The following COA8 variants were observed in gnomAD, a reference collection of about 807,000 sequenced individuals.
The protein encoded by COA8 is UPF0671 protein C14orf153.
A neutral mutation model predicts 22.0 loss-of-function variants in COA8; 20 were observed. The observed-to-expected ratio is 0.91, with a 90% CI of 0.64 to 1.32. The LOEUF is 1.32. Among genes scored for constraint, COA8 ranks in the 40% most tolerant of loss-of-function variants. The probability of loss-of-function intolerance (pLI) is 0.00; values close to 1 mark genes in which losing one functional copy is unlikely to be tolerated. For synonymous variants in COA8, 105 were observed against 79.9 expected, an observed-to-expected ratio of 1.31 and a Z score of -1.68; for missense variants, 266 against 230.0, an observed-to-expected ratio of 1.16 and a Z score of -1.01.
rs1419226386 is a variant in COA8 at position 103,581,062 on chromosome 14, A to G, written c.386-6212A>G. On this transcript the variant is annotated intron_variant, in intron 3 of 4. Transcript: ENST00000409074. The surrounding 1 kb of genome is among the most constrained non-coding windows in gnomAD (Gnocchi z 4.1). The stretch of plus-strand genomic sequence containing the variant: ...TGATCCGCCCGTCTTGGCCTCCCAA[A>G]GTCCTGGGATTACAGGCGTGAGCCA... 6.6e-6 allele frequency among the ~76,000 whole-genome samples: 1 copy of G among 152,094 alleles called. No homozygotes were observed. The highest frequency in any genetic ancestry group is 2.4e-5 in the African/African-American group (1 of 41,418).
intron 3 of COA8, among the ~76,000 whole-genome samples, chr14:103,579,962 C>A (rs376689509): frequency 3.7e-3 from 440 of 117,458 alleles, no homozygotes; most frequent in Middle Eastern, 8.7e-3. Context: ...GACTCTGTCT[C>A]AAAAAAAAAA....
chr14:103,588,296 C>G lies in COA8; in HGVS notation c.476+932C>G, dbSNP rs116368153. The G allele has an allele frequency of 5.3e-3, 2,090 of 396,992 alleles. 44 individuals carry two copies. The highest frequency in any genetic ancestry group is 0.039 in the African/African-American group (1,878 of 48,478). 24.6% of individuals were successfully genotyped at this position (396,992 alleles called of 1,614,324 possible). On this transcript the variant is annotated intron_variant, in intron 4 of 4. Transcript: ENST00000409074. ...TTGGGAGGCCAAGGTGGGTAGATCA[C>G]TTGAGTCCAGGAGTTCAAGACCAGT...
intron 3 of COA8, among the ~76,000 whole-genome samples, chr14:103,578,719 T>C (rs1247238603): frequency 6.6e-6 from 1 of 152,176 alleles, no homozygotes; most frequent in Non-Finnish European, 1.5e-5. Context: ...TTCTGCTGCT[T>C]GTTGAGCCTT....
intron 1 of COA8, among the ~76,000 whole-genome samples, chr14:103,565,515 T>C (rs1283665254): frequency 1.3e-5 from 2 of 152,156 alleles, no homozygotes; most frequent in Admixed American, 6.5e-5. Flanking sequence ...TTTTTTTTCT[T>C]TAATCCGGAA....
At position 103,582,226 on chromosome 14, in the gene COA8, C is replaced by T. The variant is rs566290696; in HGVS notation, c.386-5048C>T. On this transcript the variant is annotated intron_variant, in intron 3 of 4. Coordinates refer to ENST00000409074, the MANE Select transcript of COA8 (RefSeq NM_001370595.2). ...TAAGTCAGAGTGCGCCTCCTGCACC[C>T]GCCACCCTGGATGTGGTTCCATTCC... Among the ~76,000 whole-genome samples, 34 of 152,256 alleles carry T rather than the reference C, an allele frequency of 2.2e-4. No homozygotes were observed. The South Asian group carries it at 6.4e-3, about 29-fold the overall frequency.
chr14:103,563,476 GTGTGTT>G, intron 1 of COA8: 1 of 417,602 alleles, frequency 2.4e-6, no homozygotes, highest in Non-Finnish European at 4.5e-6. Flanking sequence ...TTGTGTGTGT[GTGTGTT>G]TTGGCTTTGT....
At chr14:103,565,619 T>C (rs2076130194) in intron 1 of COA8, among the ~76,000 whole-genome samples, 1 of 141,952 alleles carries the variant, frequency 7.0e-6, no homozygotes, top group Non-Finnish European at 1.5e-5. Context: ...TTTTTTTTAA[T>C]TTTTTTTTTT....
chr14:103,571,565 A>G (rs1406838467), intron 1 of COA8, 58 bp from the exon 2 acceptor site: 3 of 1,458,080 alleles, frequency 2.1e-6, no homozygotes, highest in African/African-American at 1.4e-5. Flanking sequence ...CAGATTGTAC[A>G]TTTTATAATA....
rs114388492 is a variant in COA8, at chr14:103,578,736, G to C, written c.385+4566G>C. Among the ~76,000 whole-genome samples, 996 of 152,264 alleles carry C rather than the reference G, an allele frequency of 6.5e-3. 18 individuals are homozygous for C. Among genetic ancestry groups the C allele is most frequent in the African/African-American group, 0.023 (952 of 41,538 alleles). ...CTGCTGCTTGTTGAGCCTTGGCCTGGGGGTGTTTGAGCCAAATGCAAGGAG... is the reference window on the plus strand; with the variant it reads ...CTGCTGCTTGTTGAGCCTTGGCCTGCGGGTGTTTGAGCCAAATGCAAGGAG... On this transcript the variant is annotated intron_variant, in intron 3 of 4. Coordinates refer to ENST00000409074, the MANE Select transcript of COA8 (RefSeq NM_001370595.2).
At chr14:103,563,167 G>A (rs562272651) in intron 1 of COA8, 43 bp downstream of exon 1, 1 of 1,538,280 alleles carries the variant, frequency 6.5e-7, no homozygotes, top group Admixed American at 1.9e-5. Flanking sequence ...GGGGTGACCG[G>A]AAGGGAAGAC....
chr14:103,582,629 C>T (rs571169995), intron 3 of COA8, among the ~76,000 whole-genome samples: 2 of 152,104 alleles, frequency 1.3e-5, no homozygotes, highest in South Asian at 4.1e-4. Flanking sequence ...AAACCCGTCA[C>T]TCGTTGTGTA....
At chr14:103,571,546 A>G (rs1354622955) in intron 1 of COA8, 77 bp from the exon 2 acceptor site, 5 of 1,399,058 alleles carry the variant, frequency 3.6e-6, no homozygotes, top group Non-Finnish European at 5.0e-6. Flanking sequence ...CTAAGTAAAT[A>G]AATAAATCCA....
At chr14:103,574,056 C>G (rs775854624) in intron 2 of COA8, 51 bp from the exon 3 acceptor site, 3 of 1,456,330 alleles carry the variant, frequency 2.1e-6, no homozygotes, top group African/African-American at 3.2e-5. Context: ...AATGGAAAGA[C>G]AGAGAAAGGA....
At chr14:103,589,287 G>A (rs938220667) in intron 4 of COA8, among the ~76,000 whole-genome samples, 16 of 152,268 alleles carry the variant, frequency 1.1e-4, no homozygotes, top group Admixed American at 4.6e-4. Flanking sequence ...TCCTGGAAGC[G>A]CTTATTTACT....
chr14:103,583,595 C>T (rs2076284425), intron 3 of COA8, among the ~76,000 whole-genome samples: 1 of 148,160 alleles, frequency 6.7e-6, no homozygotes, highest in Non-Finnish European at 1.5e-5. Context: ...AGACCAAATA[C>T]CTGGTGTCTT....
At chr14:103,571,530 C>T in intron 1 of COA8, 93 bp from the exon 2 acceptor site, 1 of 1,278,986 alleles carries the variant, frequency 7.8e-7, no homozygotes, top group Non-Finnish European at 1.1e-6. Flanking sequence ...GAGCGAGACT[C>T]CGTCTCTAAG....
chr14:103,575,903 G>T (rs1595142664), intron 3 of COA8, among the ~76,000 whole-genome samples: 1 of 152,010 alleles, frequency 6.6e-6, no homozygotes, highest in Admixed American at 6.5e-5. Context: ...GAGTTTTGCC[G>T]TGTTGCCCAG....
intron 3 of COA8, among the ~76,000 whole-genome samples, chr14:103,585,276 C>T (rs1262480938): frequency 4.0e-5 from 6 of 151,836 alleles, no homozygotes; most frequent in African/African-American, 7.3e-5. Context: ...GTTGGGAGTT[C>T]GAGACCAGCC....
intron 2 of COA8, among the ~76,000 whole-genome samples, chr14:103,572,714 G>C (rs975770435): frequency 1.3e-5 from 2 of 151,736 alleles, no homozygotes; most frequent in Admixed American, 6.6e-5. Flanking sequence ...TGGGTGACAG[G>C]AGTGAGACCC....
Sources: gnomAD v4.1 joint callset for allele counts (sites outside exome capture counted in the v4.1 genomes callset) on GRCh38, gnomAD v4.1.1 for gene constraint, Gnocchi (gnomAD v3.1) non-coding constraint, MANE v1.5 for transcripts, NCBI Gene and HGNC (gene_info 2026-07-23, HGNC 2026-07-21) for gene names.